ADGRG1: variants seen among roughly 807,000 people sequenced by gnomAD.
ADGRG1 encodes the protein 7-transmembrane protein with no EGF-like N-terminal domains-1.
Under a neutral mutation model 73.5 loss-of-function variants are expected in ADGRG1, and 53 were observed. That is an observed-to-expected ratio of 0.72 (90% CI 0.58 to 0.91). The LOEUF (loss-of-function observed/expected upper bound fraction) is 0.91. Ranked by LOEUF, ADGRG1 falls within the 40% of genes least tolerant of loss-of-function variation. ADGRG1 has a pLI of 0.00. For missense variants in ADGRG1, 795 were observed against 871.8 expected (o/e 0.91, Z 1.11); for synonymous variants, 394 against 374.4 (o/e 1.05, Z -0.60).
At position 57,640,081 on chromosome 16, in the gene ADGRG1, C is replaced by T. The variant is rs141939880; in HGVS notation, c.-35-10172C>T. 1,203 of 155,420 alleles carry T rather than the reference C, an allele frequency of 7.7e-3. 6 individuals carry two copies. The highest frequency in any genetic ancestry group is 0.023 in the Middle Eastern group (7 of 300). The allele number at this position is 155,420 out of a possible 1,614,324, so 9.6% of individuals were successfully genotyped here. On this transcript the variant is annotated intron_variant, in intron 1 of 13. Coordinates refer to ENST00000562631, the MANE Select transcript of ADGRG1 (RefSeq NM_201525.4). ...AAACAAGCCTCTGACAAGTCCAGGG[C>T]GTGAGGGGACTGGAAGTGCAGGAAA...
intron 13 of ADGRG1, 26 bp downstream of exon 13, chr16:57,661,991 C>G: frequency 6.3e-7 from 1 of 1,574,874 alleles, no homozygotes; most frequent in Non-Finnish European, 8.7e-7. Context: ...GTCCCTTGGC[C>G]CAGGCAGGGT....
chr16:57,651,713 G>T, intron 3 of ADGRG1, 91 bp downstream of exon 3: 2 of 1,516,912 alleles, frequency 1.3e-6, no homozygotes, highest in South Asian at 1.2e-5. Flanking sequence ...CACAATATCA[G>T]ATCATGAAGA....
rs2048015135 is a variant in ADGRG1, at chr16:57,665,279, G to T, written c.*1697G>T. ...GAGTGGTGGGGCCTGTGGCGAACTG[G>T]AGACTCCCAACCCCATGCTGAGAGC... On this transcript the variant is annotated 3_prime_UTR_variant, in exon 14 of 14. Coordinates refer to ENST00000562631, the MANE Select transcript of ADGRG1 (RefSeq NM_201525.4). The T allele has an allele frequency of 6.6e-6, 1 of 152,244 alleles. No homozygotes were observed. Among genetic ancestry groups the T allele is most frequent in the Non-Finnish European group, 1.5e-5 (1 of 68,080 alleles). 9.4% of individuals were successfully genotyped at this position (152,244 alleles called of 1,614,324 possible).
At chr16:57,630,596 G>T in intron 1 of ADGRG1, 1 of 920,886 alleles carries the variant, frequency 1.1e-6, no homozygotes, top group Non-Finnish European at 1.3e-6. Context: ...CTGTGTCCCG[G>T]CCTGGGCCAC....
At chr16:57,638,889 G>C (rs552317775) in intron 1 of ADGRG1, among the ~76,000 whole-genome samples, 2 of 152,222 alleles carry the variant, frequency 1.3e-5, no homozygotes, top group African/African-American at 4.8e-5. Flanking sequence ...GGCCAGCATA[G>C]TGAAACCCCG....
At chr16:57,654,573 C>G (rs1422898263) in intron 5 of ADGRG1, among the ~76,000 whole-genome samples, 1 of 152,144 alleles carries the variant, frequency 6.6e-6, no homozygotes, top group Non-Finnish European at 1.5e-5. Flanking sequence ...TGCTACCACA[C>G]CTGGCTTTAA....
chr16:57,632,566 A>G (rs1386917982), intron 1 of ADGRG1, among the ~76,000 whole-genome samples: 4 of 152,114 alleles, frequency 2.6e-5, no homozygotes, highest in Non-Finnish European at 5.9e-5. Flanking sequence ...AACTGTGAGC[A>G]CTTCTCCCTG....
chr16:57,656,401 C>T, intron 8 of ADGRG1, 113 bp from the exon 9 acceptor site: 1 of 1,609,070 alleles, frequency 6.2e-7, no homozygotes, highest in African/African-American at 1.3e-5. Context: ...AGAGCGATGG[C>T]AGGCTATGAG....
chr16:57,656,794 C>T (rs1363960713), intron 9 of ADGRG1, among the ~76,000 whole-genome samples, 177 bp downstream of exon 9: 3 of 152,214 alleles, frequency 2.0e-5, no homozygotes, highest in East Asian at 1.9e-4. Context: ...GCAATTTACC[C>T]GTGGCCACAC....
chr16:57,626,107 C>A (rs978457021), upstream of ADGRG1, among the ~76,000 whole-genome samples: 1 of 152,168 alleles, frequency 6.6e-6, no homozygotes, highest in African/African-American at 2.4e-5. Flanking sequence ...CTAGCAGGGG[C>A]CGGATATCTG....
intron 1 of ADGRG1, chr16:57,631,243 G>A: frequency 1.0e-6 from 1 of 986,328 alleles, no homozygotes; most frequent in East Asian, 1.1e-4. Context: ...TGGCCTCCTG[G>A]CAAGGCCCAG....
intron 1 of ADGRG1, chr16:57,635,739 C>A: frequency 1.0e-6 from 1 of 985,340 alleles, no homozygotes; most frequent in South Asian, 4.7e-5. Flanking sequence ...CTCTCCATGT[C>A]GTTGCCAGGG....
chr16:57,658,997 C>A lies in ADGRG1; in HGVS notation c.1287-416C>A, dbSNP rs531383959. On this transcript the variant is annotated intron_variant, in intron 10 of 13. Coordinates refer to ENST00000562631, the MANE Select transcript of ADGRG1 (RefSeq NM_201525.4). ...ATTGACTTGCAAACCTCAGACAGAC[C>A]GATGCGGGCAGCCCACACTCAGACT... 3 of 984,998 alleles carry A rather than the reference C, an allele frequency of 3.0e-6. No individual in the cohort carries two copies. The East Asian group carries it at 3.4e-4, about 112-fold the overall frequency. The allele number at this position is 984,998 out of a possible 1,614,324, so 61.0% of individuals were successfully genotyped here.
Position 57,656,626 on chromosome 16 carries a change from C to T in ADGRG1, c.1167+9C>T. Reference sequence around the variant, plus strand: ...ACTTTGCAGTGCTGATGGTGAGGGTCCCTGCTCCCACCTCGCAGCCACACC... The same window carrying T: ...ACTTTGCAGTGCTGATGGTGAGGGTTCCTGCTCCCACCTCGCAGCCACACC... On this transcript the variant is annotated intron_variant, in intron 9 of 13. Transcript: ENST00000562631. The T allele has an allele frequency of 2.6e-6, 4 of 1,547,818 alleles. No homozygotes were observed. Among genetic ancestry groups the T allele is most frequent in the Non-Finnish European group, 3.6e-6 (4 of 1,119,426 alleles).
At chr16:57,646,725 G>T (rs1351920973) in intron 1 of ADGRG1, 1 of 981,562 alleles carries the variant, frequency 1.0e-6, no homozygotes, top group East Asian at 1.1e-4. Context: ...ACGCTCGTGT[G>T]ATCTCAGAAC....
chr16:57,662,485 G>A (rs576040279), intron 13 of ADGRG1, among the ~76,000 whole-genome samples: 46 of 152,132 alleles, frequency 3.0e-4, no homozygotes, highest in Non-Finnish European at 6.0e-4. Context: ...TTTTGGAAAC[G>A]CAGCCTCTGG....
intron 1 of ADGRG1, chr16:57,633,355 T>C (rs1418387796): frequency 7.1e-6 from 7 of 985,400 alleles, no homozygotes; most frequent in Non-Finnish European, 8.4e-6. Context: ...GCTGAATTTC[T>C]CACAACTTCA....
Position 57,620,966 on chromosome 16 carries a change from C to T in ADGRG1, c.-278C>T, listed in dbSNP as rs182687601. 6.9e-3 allele frequency: 1,048 copies of T among 152,306 alleles called. 13 individuals carry two copies. The highest frequency in any genetic ancestry group is 0.012 in the Non-Finnish European group (835 of 68,054). 9.4% of individuals were successfully genotyped at this position (152,306 alleles called of 1,614,324 possible). On this transcript the variant is annotated 5_prime_UTR_variant, in exon 1 of 5. Transcript: ENST00000561833. ...CTGTTCCATGAAGGAGAGGCAGGGG[C>T]AGTGGTCTGTAAACCCATAAGCTGC...
intron 13 of ADGRG1, chr16:57,663,125 A>G (rs2047649201): frequency 1.0e-6 from 1 of 962,436 alleles, no homozygotes. Context: ...GGTGGACTTC[A>G]GAGCCTGTTC....
Sources: gnomAD v4.1 joint callset for allele counts (sites outside exome capture counted in the v4.1 genomes callset) on GRCh38, gnomAD v4.1.1 for gene constraint, MANE v1.5 for transcripts, NCBI Gene and HGNC (gene_info 2026-07-23, HGNC 2026-07-21) for gene names.